Variants in RANBP2 observed in about 807,000 individuals in gnomAD.
The protein encoded by RANBP2 is RAN binding protein 2, also known as E3 SUMO-protein ligase RanBP2.
In RANBP2, 57 loss-of-function variants were observed where a neutral mutation model predicts 303.6. The ratio of observed to expected loss-of-function variants is 0.19; its 90% confidence interval spans 0.15 to 0.23. The LOEUF (loss-of-function observed/expected upper bound fraction) is 0.23. Ranked by LOEUF, RANBP2 falls within the 10% of genes least tolerant of loss-of-function variation. The pLI is 1.00. For missense variants in RANBP2, 3,138 were observed against 3,780.8 expected (o/e 0.83, Z 4.46); for synonymous variants, 1,167 against 1,301.5 (o/e 0.90, Z 2.23).
At chr2:108,809,340 A>C in the RANBP2 span, among the ~76,000 whole-genome samples, 9 of 151,866 alleles carry the variant, frequency 5.9e-5, no homozygotes, top group Non-Finnish European at 1.3e-4. Flanking sequence ...ATTTTTTTCT[A>C]TTTCTGTGAA....
At chr2:109,369,204 C>T in the RANBP2 span, among the ~76,000 whole-genome samples, 7 of 151,558 alleles carry the variant, frequency 4.6e-5, no homozygotes, top group East Asian at 1.9e-4. Flanking sequence ...AAAAATTAGC[C>T]GGGAGTGGTG....
chr2:108,971,900 C>T, the RANBP2 span, among the ~76,000 whole-genome samples: 11,665 of 152,294 alleles, frequency 0.077, 1,145 homozygotes, highest in African/African-American at 0.23. Flanking sequence ...ACCAAAGGCA[C>T]TGAGCTTCCT....
the RANBP2 span, among the ~76,000 whole-genome samples, chr2:108,941,021 G>A: frequency 2.6e-5 from 4 of 152,134 alleles, no homozygotes; most frequent in African/African-American, 9.7e-5. Context: ...TCATCAATCT[G>A]CCCCACGCTG....
At chr2:109,506,932 C>T in the RANBP2 span, among the ~76,000 whole-genome samples, 5 of 152,300 alleles carry the variant, frequency 3.3e-5, no homozygotes, top group Admixed American at 1.3e-4. Flanking sequence ...GGTTCAGCCC[C>T]GTGCTCAGCC....
chr2:109,455,569 A>G, the RANBP2 span, among the ~76,000 whole-genome samples: 1 of 152,350 alleles, frequency 6.6e-6, no homozygotes. Flanking sequence ...GAGTGTGATT[A>G]TATTTTTCAT....
At chr2:109,045,244 G>A in the RANBP2 span, among the ~76,000 whole-genome samples, 1 of 152,182 alleles carries the variant, frequency 6.6e-6, no homozygotes, top group South Asian at 2.1e-4. Flanking sequence ...GGTCGGAGGA[G>A]GTAGGTGGAG....
At chr2:109,537,950 AACACACACACACATAC>A in the RANBP2 span, among the ~76,000 whole-genome samples, 1 of 151,882 alleles carries the variant, frequency 6.6e-6, no homozygotes, top group South Asian at 2.1e-4. Flanking sequence ...CCTGTCTCAA[AACACACACACACATAC>A]ACACACACAC....
chr2:109,187,421 C>T, the RANBP2 span, among the ~76,000 whole-genome samples: 2 of 151,958 alleles, frequency 1.3e-5, no homozygotes, highest in East Asian at 1.9e-4. Flanking sequence ...GCCGCACACA[C>T]GTAAATACAG....
the RANBP2 span, among the ~76,000 whole-genome samples, chr2:109,199,271 G>A: frequency 5.8e-5 from 1 of 17,344 alleles, no homozygotes; most frequent in Non-Finnish European, 1.5e-4. Flanking sequence ...GCAGTGAGCC[G>A]AGATCATGCC....
the RANBP2 span, among the ~76,000 whole-genome samples, chr2:109,099,970 G>A: frequency 1.3e-5 from 2 of 152,178 alleles, no homozygotes; most frequent in East Asian, 3.9e-4. Context: ...GATAATGTTT[G>A]TGATATTGTA....
chr2:109,452,630 CTG>C, the RANBP2 span, among the ~76,000 whole-genome samples: 1 of 152,196 alleles, frequency 6.6e-6, no homozygotes, highest in Non-Finnish European at 1.5e-5. Flanking sequence ...CGCCATATCC[CTG>C]TGTGTGGAGA....
chr2:109,534,742 T>C, the RANBP2 span, among the ~76,000 whole-genome samples: 3 of 151,480 alleles, frequency 2.0e-5, no homozygotes, highest in Non-Finnish European at 2.9e-5. Flanking sequence ...ATTGTGCCAC[T>C]GTACTCCACA....
At chr2:108,732,978 C>T (rs919449975) in intron 4 of RANBP2, among the ~76,000 whole-genome samples, 1 of 152,126 alleles carries the variant, frequency 6.6e-6, no homozygotes, top group Non-Finnish European at 1.5e-5. Flanking sequence ...CACGTGTTAC[C>T]ATGTCCCGCT....
chr2:109,716,026 C>T, the RANBP2 span, among the ~76,000 whole-genome samples: 3 of 151,984 alleles, frequency 2.0e-5, no homozygotes, highest in South Asian at 2.1e-4. Context: ...GTTAAGGACG[C>T]GCCCAGGAGA....
the RANBP2 span, among the ~76,000 whole-genome samples, chr2:109,478,554 C>G: frequency 2.0e-5 from 3 of 152,182 alleles, no homozygotes; most frequent in African/African-American, 7.2e-5. Flanking sequence ...GAATTCTTCT[C>G]TATTATTTGG....
the RANBP2 span, among the ~76,000 whole-genome samples, chr2:109,065,624 G>A: frequency 6.6e-6 from 1 of 152,200 alleles, no homozygotes; most frequent in Non-Finnish European, 1.5e-5. Context: ...CCAGTGGAGA[G>A]ATGTAGTGGC....
the RANBP2 span, among the ~76,000 whole-genome samples, chr2:109,060,735 G>T: frequency 6.6e-6 from 1 of 152,136 alleles, no homozygotes; most frequent in Non-Finnish European, 1.5e-5. Flanking sequence ...GCCACCCTGG[G>T]CCTCAGTTTC....
At chr2:109,615,570 G>T in the RANBP2 span, 1 of 1,613,960 alleles carries the variant, frequency 6.2e-7, no homozygotes, top group Non-Finnish European at 8.5e-7. Context: ...GAAGCTGCTG[G>T]TGGGGGCCTA....
the RANBP2 span, among the ~76,000 whole-genome samples, chr2:109,435,367 A>C: frequency 6.6e-6 from 1 of 152,234 alleles, no homozygotes; most frequent in Non-Finnish European, 1.5e-5. Context: ...CAATTGCCAA[A>C]GCCACACAGC....
Sources: allele counts gnomAD v4.1 joint callset (sites outside exome capture counted in the v4.1 genomes callset), GRCh38; gene constraint gnomAD v4.1.1; transcripts MANE v1.5; gene names NCBI Gene and HGNC (gene_info 2026-07-23, HGNC 2026-07-21).